Variants in SYN3 observed in about 807,000 individuals in gnomAD.
SYN3 encodes the protein synapsin III.
Under a neutral mutation model 65.8 loss-of-function variants are expected in SYN3, and 35 were observed. The observed-to-expected ratio is 0.53, with a 90% CI of 0.41 to 0.70. The LOEUF (loss-of-function observed/expected upper bound fraction) is 0.70, where lower values mean the gene tolerates loss of function less well. SYN3 is among the 30% of genes least tolerant of loss of function. The probability of loss-of-function intolerance (pLI) is 0.00; values close to 1 mark genes in which losing one functional copy is unlikely to be tolerated. For missense variants in SYN3, 680 were observed against 749.0 expected, an observed-to-expected ratio of 0.91 and a Z score of 1.08; for synonymous variants, 270 against 292.9, an observed-to-expected ratio of 0.92 and a Z score of 0.80.
At chr22:32,617,581 T>G in intron 6 of SYN3, among the ~76,000 whole-genome samples, 1 of 149,652 alleles carries the variant, frequency 6.7e-6, no homozygotes, top group South Asian at 2.1e-4. Context: ...GGAAGCGGGG[T>G]GGGACCCAGG....
At chr22:33,007,977 C>T (rs982757522) in intron 1 of SYN3, among the ~76,000 whole-genome samples, 2 of 151,802 alleles carry the variant, frequency 1.3e-5, no homozygotes, top group African/African-American at 4.8e-5. Flanking sequence ...CACTTCATCA[C>T]CCAGCCTGGA....
intron 1 of SYN3, among the ~76,000 whole-genome samples, chr22:33,038,293 C>T (rs1263134163): frequency 6.6e-6 from 1 of 152,220 alleles, no homozygotes; most frequent in East Asian, 1.9e-4. Context: ...ACCAAAAGAT[C>T]CCTAGCTGCT....
intron 6 of SYN3, among the ~76,000 whole-genome samples, chr22:32,814,895 C>T (rs189811674): frequency 5.0e-4 from 76 of 151,898 alleles, no homozygotes; most frequent in East Asian, 1.4e-3. Flanking sequence ...TTTAAAAAAA[C>T]GAGGAAAAAG....
intron 6 of SYN3, among the ~76,000 whole-genome samples, chr22:32,768,223 T>C (rs1239442832): frequency 2.0e-5 from 3 of 152,186 alleles, no homozygotes; most frequent in Non-Finnish European, 4.4e-5. Context: ...CTGGGAAAAT[T>C]CAGTGGTCTT....
chr22:32,516,041 G>GC (rs937627660), intron 13 of SYN3, among the ~76,000 whole-genome samples: 1 of 151,966 alleles, frequency 6.6e-6, no homozygotes, highest in Non-Finnish European at 1.5e-5. Context: ...CTTGTGATCC[G>GC]CCCCCCTCCA....
At chr22:32,612,426 A>G (rs1042649624) in intron 6 of SYN3, among the ~76,000 whole-genome samples, 7 of 152,186 alleles carry the variant, frequency 4.6e-5, no homozygotes, top group African/African-American at 1.4e-4. Flanking sequence ...ATTGCAGGAC[A>G]CTCAGTTGGT....
intron 3 of SYN3, among the ~76,000 whole-genome samples, chr22:32,976,240 G>A (rs1298512287): frequency 6.6e-6 from 1 of 152,196 alleles, no homozygotes; most frequent in African/African-American, 2.4e-5. Context: ...GTATTCATAT[G>A]TAAATCCATG....
intron 1 of SYN3, among the ~76,000 whole-genome samples, chr22:33,051,494 C>T (rs2054164576): frequency 6.6e-6 from 1 of 152,094 alleles, no homozygotes; most frequent in Non-Finnish European, 1.5e-5. Context: ...CACATGCCTA[C>T]ATTGGGACCC....
chr22:32,649,017 T>G (rs2060023297), intron 6 of SYN3, among the ~76,000 whole-genome samples: 1 of 152,200 alleles, frequency 6.6e-6, no homozygotes, highest in Admixed American at 6.5e-5. Context: ...TACAGTTGAT[T>G]GTATCATCGT....
At chr22:32,980,780 C>T in intron 2 of SYN3, 78 bp from the exon 3 acceptor site, 2 of 1,306,596 alleles carry the variant, frequency 1.5e-6, no homozygotes, top group Non-Finnish European at 2.2e-6. Context: ...AGGCCTTACC[C>T]CAGAGGTGCA....
At chr22:32,878,615 T>C (rs1454858247) in intron 4 of SYN3, among the ~76,000 whole-genome samples, 18 of 152,220 alleles carry the variant, frequency 1.2e-4, no homozygotes, top group South Asian at 2.1e-4. Flanking sequence ...TTCGGTTTTC[T>C]CTTCTCACAC....
At chr22:33,036,678 C>CTTTTTTTTTTTTTTT in intron 1 of SYN3, among the ~76,000 whole-genome samples, 1 of 99,530 alleles carries the variant, frequency 1.0e-5, no homozygotes, top group African/African-American at 4.7e-5. Flanking sequence ...AGCCCAAGTT[C>CTTTTTTTTTTTTTTT]TTTTTTTTTT....
intron 7 of SYN3, among the ~76,000 whole-genome samples, chr22:32,571,727 C>T (rs552408295): frequency 6.6e-6 from 1 of 152,302 alleles, no homozygotes; most frequent in African/African-American, 2.4e-5. Flanking sequence ...CTCTGCCAGC[C>T]TTCCTAAGAA....
chr22:32,943,543 C>T (rs185874652), intron 3 of SYN3, among the ~76,000 whole-genome samples: 46 of 152,258 alleles, frequency 3.0e-4, no homozygotes, highest in African/African-American at 9.9e-4. Flanking sequence ...GATCAACTAA[C>T]GAGCAAAATA....
chr22:33,040,516 G>GT (rs1241785879), intron 1 of SYN3, among the ~76,000 whole-genome samples: 2 of 151,844 alleles, frequency 1.3e-5, no homozygotes, highest in African/African-American at 2.4e-5. Context: ...TTTTTCAAAC[G>GT]TAAGTTTAAC....
intron 7 of SYN3, among the ~76,000 whole-genome samples, chr22:32,549,144 C>T (rs1188588164): frequency 1.3e-5 from 2 of 152,088 alleles, no homozygotes; most frequent in South Asian, 2.1e-4. Context: ...ATCCATGGTG[C>T]TCCATGCACA....
chr22:32,659,520 G>A (rs1172223069), intron 6 of SYN3, among the ~76,000 whole-genome samples: 8 of 152,148 alleles, frequency 5.3e-5, no homozygotes, highest in African/African-American at 1.9e-4. Context: ...ATCACATTCT[G>A]TGCACCCAGT....
intron 6 of SYN3, among the ~76,000 whole-genome samples, chr22:32,790,670 G>C (rs958664880): frequency 6.6e-6 from 1 of 152,040 alleles, no homozygotes; most frequent in African/African-American, 2.4e-5. Flanking sequence ...CAAGTGATTC[G>C]CCTGCCTCGG....
intron 4 of SYN3, among the ~76,000 whole-genome samples, chr22:32,917,650 G>A (rs1278436755): frequency 6.6e-6 from 1 of 152,218 alleles, no homozygotes; most frequent in Admixed American, 6.5e-5. Flanking sequence ...CAGGGTCAGC[G>A]GGGCGCAGCC....
Sources: gnomAD v4.1 joint callset for allele counts (sites outside exome capture counted in the v4.1 genomes callset) on GRCh38, gnomAD v4.1.1 for gene constraint, MANE v1.5 for transcripts, NCBI Gene and HGNC (gene_info 2026-07-23, HGNC 2026-07-21) for gene names.